The following ESRRG variants were observed in gnomAD, a reference collection of about 807,000 sequenced individuals.
ESRRG encodes estrogen-related receptor gamma.
ESRRG carries 13 observed loss-of-function variants against 44.0 expected under a neutral mutation model. The observed-to-expected ratio is 0.30, with a 90% CI of 0.19 to 0.47. The LOEUF (loss-of-function observed/expected upper bound fraction) is 0.47, where lower values mean the gene tolerates loss of function less well. Ranked by LOEUF, ESRRG falls within the 20% of genes least tolerant of loss-of-function variation. The pLI, the probability that ESRRG is intolerant of heterozygous loss-of-function variation, is 1.00. For synonymous variants in ESRRG, 215 were observed against 214.6 expected (o/e 1.00, Z -0.02); for missense variants, 395 against 580.6 (o/e 0.68, Z 3.29).
At chr1:217,035,039 G>T (rs893923747) in intron 1 of ESRRG, among the ~76,000 whole-genome samples, 2 of 152,166 alleles carry the variant, frequency 1.3e-5, no homozygotes, top group African/African-American at 4.8e-5. Flanking sequence ...AGATAGAGCA[G>T]GCTAGTCCAG....
intron 1 of ESRRG, among the ~76,000 whole-genome samples, chr1:216,699,479 T>C (rs1268152918): frequency 6.6e-6 from 1 of 152,168 alleles, no homozygotes; most frequent in East Asian, 1.9e-4. Flanking sequence ...TCAGTCTACC[T>C]GTCATGGAGG....
intron 1 of ESRRG, among the ~76,000 whole-genome samples, chr1:217,020,677 T>C (rs1257002238): frequency 1.3e-5 from 2 of 152,152 alleles, no homozygotes; most frequent in Non-Finnish European, 1.5e-5. Flanking sequence ...AGAGGAGCTC[T>C]TTCTCTCGTT....
chr1:217,076,283 A>G (rs2091285468), intron 1 of ESRRG, among the ~76,000 whole-genome samples: 1 of 152,174 alleles, frequency 6.6e-6, no homozygotes, highest in Non-Finnish European at 1.5e-5. Flanking sequence ...GGATAAAGAC[A>G]CGGCTATGCT....
chr1:216,583,094 T>A (rs371906488), intron 3 of ESRRG, among the ~76,000 whole-genome samples: 1 of 152,100 alleles, frequency 6.6e-6, no homozygotes, highest in East Asian at 1.9e-4. Flanking sequence ...CATTTTTCTA[T>A]CAACTTTCAA....
At chr1:216,746,188 C>T (rs1241747620) in intron 2 of ESRRG, among the ~76,000 whole-genome samples, 2 of 152,144 alleles carry the variant, frequency 1.3e-5, no homozygotes, top group Non-Finnish European at 2.9e-5. Context: ...GGAAATGAAG[C>T]TCAAACATTA....
chr1:216,993,051 TAAGTTTCAAAA>T (rs1330265710), intron 1 of ESRRG, among the ~76,000 whole-genome samples: 1 of 152,192 alleles, frequency 6.6e-6, no homozygotes, highest in Non-Finnish European at 1.5e-5. Context: ...AACCCGAATG[TAAGTTTCAAAA>T]AAGTAGGAGC....
chr1:216,995,999 T>G (rs919861654), intron 1 of ESRRG, among the ~76,000 whole-genome samples: 2 of 151,938 alleles, frequency 1.3e-5, no homozygotes, highest in African/African-American at 4.8e-5. Flanking sequence ...CAAAGGAAAA[T>G]CAAGTAATAA....
intron 2 of ESRRG, among the ~76,000 whole-genome samples, chr1:216,664,001 C>T (rs772148942): frequency 1.3e-5 from 2 of 152,052 alleles, no homozygotes; most frequent in Non-Finnish European, 2.9e-5. Context: ...AATTGCAAAG[C>T]GTTTAGGTAT....
intron 2 of ESRRG, among the ~76,000 whole-genome samples, chr1:216,915,151 T>C (rs1026787961): frequency 1.5e-4 from 23 of 152,134 alleles, no homozygotes; most frequent in African/African-American, 5.6e-4. Flanking sequence ...CTGCCAGAGA[T>C]TGCCACACCA....
At chr1:216,947,841 T>C (rs1475763804) in intron 1 of ESRRG, among the ~76,000 whole-genome samples, 1 of 152,102 alleles carries the variant, frequency 6.6e-6, no homozygotes, top group African/African-American at 2.4e-5. Flanking sequence ...TTATATAAGG[T>C]CATGAGATGA....
intron 2 of ESRRG, among the ~76,000 whole-genome samples, chr1:216,763,683 A>G (rs1048504572): frequency 6.6e-6 from 1 of 152,134 alleles, no homozygotes; most frequent in Non-Finnish European, 1.5e-5. Flanking sequence ...TGCAACATTA[A>G]GTTGTTAAAG....
At chr1:216,779,108 AT>A in intron 2 of ESRRG, among the ~76,000 whole-genome samples, 1 of 126,522 alleles carries the variant, frequency 7.9e-6, no homozygotes, top group East Asian at 2.2e-4. Flanking sequence ...AACTATATAT[AT>A]ATATATATAA....
chr1:217,011,565 A>C (rs2078620651), intron 1 of ESRRG, among the ~76,000 whole-genome samples: 1 of 152,192 alleles, frequency 6.6e-6, no homozygotes, highest in African/African-American at 2.4e-5. Flanking sequence ...TAATCTCCCA[A>C]GGAAATAAAA....
intron 2 of ESRRG, among the ~76,000 whole-genome samples, chr1:216,916,833 T>C (rs1247505010): frequency 2.0e-5 from 2 of 100,006 alleles, no homozygotes; most frequent in Admixed American, 2.7e-4. Context: ...TCAGCTTTGG[T>C]CTTTTTTTTT....
chr1:216,517,438 T>C (rs12088229), intron 6 of ESRRG, among the ~76,000 whole-genome samples: 3,425 of 152,306 alleles, frequency 0.022, 109 homozygotes, highest in African/African-American at 0.07. Context: ...TCTAAAATTA[T>C]ACATTTTTAG....
chr1:216,878,092 A>G (rs2096385680), intron 2 of ESRRG, among the ~76,000 whole-genome samples: 1 of 152,112 alleles, frequency 6.6e-6, no homozygotes, highest in Non-Finnish European at 1.5e-5. Flanking sequence ...TCAAATTTCC[A>G]CATTTTTGCC....
intron 1 of ESRRG, among the ~76,000 whole-genome samples, chr1:216,984,522 T>C (rs1247839868): frequency 6.6e-6 from 1 of 152,166 alleles, no homozygotes; most frequent in Non-Finnish European, 1.5e-5. Flanking sequence ...TTTTAACCAT[T>C]CCTATAATGG....
rs115775261 is a variant in ESRRG, at chr1:217,060,431, C to T, written c.-106+29076G>A. Among the ~76,000 whole-genome samples, 285 of 152,198 alleles carry T rather than the reference C, an allele frequency of 1.9e-3. 1 individual carries two copies. Among genetic ancestry groups the T allele is most frequent in the African/African-American group, 6.8e-3 (283 of 41,534 alleles). ...CTCTTAAAAGATTTCATGAGTCCAG[C>T]AACTCCCCCTTTCCTCTGAACTTCT... On this transcript the variant is annotated intron_variant, in intron 1 of 7. Coordinates refer to the ESRRG transcript ENST00000359162.
At chr1:216,605,954 C>T (rs1309261778) in intron 3 of ESRRG, among the ~76,000 whole-genome samples, 1 of 151,674 alleles carries the variant, frequency 6.6e-6, no homozygotes, top group Admixed American at 6.6e-5. Flanking sequence ...TGTTTGTTTG[C>T]AATACTTTGC....
Sources: gnomAD v4.1 joint callset for allele counts (sites outside exome capture counted in the v4.1 genomes callset) on GRCh38, gnomAD v4.1.1 for gene constraint, MANE v1.5 for transcripts, NCBI Gene and HGNC (gene_info 2026-07-23, HGNC 2026-07-21) for gene names.